Variants in LRRC8D observed in about 807,000 individuals in gnomAD.
LRRC8D encodes the protein volume-regulated anion channel subunit LRRC8D.
LRRC8D carries 20 observed loss-of-function variants against 55.8 expected under a neutral mutation model. The observed-to-expected ratio is 0.36, with a 90% CI of 0.25 to 0.52. The LOEUF (loss-of-function observed/expected upper bound fraction) is 0.52. LRRC8D is among the 20% of genes least tolerant of loss of function. The pLI, the probability that LRRC8D is intolerant of heterozygous loss-of-function variation, is 0.93. For synonymous variants in LRRC8D, 352 were observed against 377.0 expected (o/e 0.93, Z 0.77); for missense variants, 651 against 1,030.8 (o/e 0.63, Z 5.05).
chr1:89,875,238 T>G (rs1662118183), intron 2 of LRRC8D, among the ~76,000 whole-genome samples: 1 of 152,200 alleles, frequency 6.6e-6, no homozygotes, highest in Non-Finnish European at 1.5e-5. Context: ...GTTTACTAGA[T>G]TTCAAATTTT....
At position 89,925,126 on chromosome 1, in the gene LRRC8D, GCC is replaced by G. The variant is rs1663525236; in HGVS notation, c.-2-7940_-2-7939del. On this transcript the variant is annotated intron_variant, in intron 2 of 2. Transcript: ENST00000337338. ...GCCACTCCCCATTGTTGACATTACT[GCC>G]TTAGCTCTGCCTCTTGTCAGATCAG... Among the ~76,000 whole-genome samples, 3 of 152,260 alleles carry G rather than the reference GCC, an allele frequency of 2.0e-5. No individual in the cohort carries two copies. In the South Asian group the frequency reaches 6.2e-4, roughly 32 times the overall value.
chr1:89,900,851 C>T (rs1056822816), intron 2 of LRRC8D, among the ~76,000 whole-genome samples: 5 of 152,234 alleles, frequency 3.3e-5, no homozygotes, highest in Admixed American at 6.5e-5. Flanking sequence ...TCCTTCACAA[C>T]TGTACCATCT....
chr1:89,869,215 G>A (rs1044004325), intron 2 of LRRC8D, among the ~76,000 whole-genome samples: 2 of 152,016 alleles, frequency 1.3e-5, no homozygotes, highest in African/African-American at 2.4e-5. Context: ...CCAACACTGC[G>A]TTATTTTGAC....
At position 89,935,433 on chromosome 1, in the gene LRRC8D, T is replaced by G. The variant is rs1663822382; in HGVS notation, c.2365T>G (p.Ser789Ala). ...GAATCTGGGACAGAACTGCATCACC[T>G]CACTCCCAGAGAAAGTTGGTCAGCT... ...TLNLGQNCIT[S>A]LPEKVGQLSQ... Residue 789 changes from serine (S) to alanine (A), a missense_variant, in exon 3 of 3, where the codon TCA (serine) becomes GCA (alanine). Physicochemically the swap from Ser to Ala is moderately conservative, Grantham distance 99 (BLOSUM62 1). Coordinates refer to ENST00000337338, the MANE Select transcript of LRRC8D (RefSeq NM_001134479.2). 1 of 1,614,200 alleles carries G rather than the reference T, an allele frequency of 6.2e-7. No individual in the cohort carries two copies. Among genetic ancestry groups the G allele is most frequent in the African/African-American group, 1.3e-5 (1 of 75,060 alleles).
At chr1:89,886,650 A>T (rs1041178661) in intron 2 of LRRC8D, among the ~76,000 whole-genome samples, 5 of 152,334 alleles carry the variant, frequency 3.3e-5, no homozygotes, top group East Asian at 1.9e-4. Flanking sequence ...GCAGCCCATA[A>T]GTTGGCAGTA....
chr1:89,887,899 T>A (rs2816859), intron 2 of LRRC8D, among the ~76,000 whole-genome samples: 8,450 of 152,156 alleles, frequency 0.056, 813 homozygotes, highest in African/African-American at 0.2. Context: ...AGCCACAGGG[T>A]GGGAGGTTTC....
intron 2 of LRRC8D, among the ~76,000 whole-genome samples, chr1:89,924,661 C>T (rs1663510354): frequency 6.6e-6 from 1 of 152,114 alleles, no homozygotes; most frequent in African/African-American, 2.4e-5. Flanking sequence ...TGTAATCAAC[C>T]AAGATGCCCG....
chr1:89,891,102 G>A (rs1368707396), intron 2 of LRRC8D, among the ~76,000 whole-genome samples: 2 of 152,086 alleles, frequency 1.3e-5, no homozygotes, highest in Admixed American at 6.6e-5. Flanking sequence ...GGATGGTCTC[G>A]ATCTCGTGAC....
intron 2 of LRRC8D, among the ~76,000 whole-genome samples, chr1:89,900,525 A>C (rs76689508): frequency 6.6e-6 from 1 of 151,458 alleles, no homozygotes; most frequent in Admixed American, 6.5e-5. Flanking sequence ...AAAAAAAAAA[A>C]CTGACTAAAA....
At chr1:89,824,165 C>T (rs1660710443) in intron 1 of LRRC8D, among the ~76,000 whole-genome samples, 1 of 152,154 alleles carries the variant, frequency 6.6e-6, no homozygotes, top group South Asian at 2.1e-4. Flanking sequence ...AACCCCCTTC[C>T]TCCTAAACAA....
intron 1 of LRRC8D, 162 bp from the exon 2 acceptor site, chr1:89,843,476 G>T: frequency 2.2e-6 from 1 of 447,282 alleles, no homozygotes; most frequent in East Asian, 3.7e-5. Context: ...GGCAGCCGGT[G>T]CGGCGGGGTC....
chr1:89,846,658 G>A (rs1183582128), intron 2 of LRRC8D: 1 of 151,966 alleles, frequency 6.6e-6, no homozygotes, highest in Non-Finnish European at 1.5e-5. Context: ...CAGAACTCAA[G>A]GTTTGTTTTC....
chr1:89,878,288 C>T (rs992710523), intron 2 of LRRC8D, among the ~76,000 whole-genome samples: 5 of 152,178 alleles, frequency 3.3e-5, no homozygotes, highest in Non-Finnish European at 2.9e-5. Flanking sequence ...ATCCAAGGCT[C>T]GAACAGCAGA....
intron 2 of LRRC8D, among the ~76,000 whole-genome samples, chr1:89,927,959 G>T (rs1663610269): frequency 6.6e-6 from 1 of 152,218 alleles, no homozygotes; most frequent in African/African-American, 2.4e-5. Context: ...AATGCCATCT[G>T]TGTTCTTCAA....
chr1:89,859,338 A>G (rs1661639918), intron 2 of LRRC8D, among the ~76,000 whole-genome samples: 1 of 152,060 alleles, frequency 6.6e-6, no homozygotes, highest in South Asian at 2.1e-4. Flanking sequence ...TAAAAATTCT[A>G]GGAGTTGTTA....
intron 2 of LRRC8D, among the ~76,000 whole-genome samples, chr1:89,914,782 TC>T (rs1663219757): frequency 6.6e-6 from 1 of 151,948 alleles, no homozygotes; most frequent in Non-Finnish European, 1.5e-5. Context: ...CTTACTATGT[TC>T]CCAGGCTAGT....
intron 2 of LRRC8D, among the ~76,000 whole-genome samples, chr1:89,918,106 A>G (rs1663319203): frequency 6.6e-6 from 1 of 152,238 alleles, no homozygotes; most frequent in African/African-American, 2.4e-5. Context: ...CTTAGAGTTA[A>G]TGCTTATAAT....
At chr1:89,837,883 G>A (rs1661036362) in intron 1 of LRRC8D, among the ~76,000 whole-genome samples, 2 of 152,076 alleles carry the variant, frequency 1.3e-5, no homozygotes, top group South Asian at 2.1e-4. Flanking sequence ...TTTTCTTCGT[G>A]TAGACTCCAT....
intron 2 of LRRC8D, among the ~76,000 whole-genome samples, chr1:89,881,334 G>C (rs1662277861): frequency 6.6e-6 from 1 of 152,120 alleles, no homozygotes; most frequent in Non-Finnish European, 1.5e-5. Flanking sequence ...GTGGGGAGGA[G>C]ATTTCTAAAG....
Sources: allele counts gnomAD v4.1 joint callset (sites outside exome capture counted in the v4.1 genomes callset), GRCh38; gene constraint gnomAD v4.1.1; transcripts MANE v1.5; gene names NCBI Gene and HGNC (gene_info 2026-07-23, HGNC 2026-07-21).